The following TENM3 variants were observed in gnomAD, a reference collection of about 807,000 sequenced individuals.
The protein encoded by TENM3 is teneurin transmembrane protein 3.
In TENM3, 63 loss-of-function variants were observed where a neutral mutation model predicts 255.1. That is an observed-to-expected ratio of 0.25 (90% CI 0.20 to 0.30). The LOEUF (loss-of-function observed/expected upper bound fraction) is 0.30. Ranked by LOEUF, TENM3 falls within the 10% of genes least tolerant of loss-of-function variation. The probability of loss-of-function intolerance (pLI) is 1.00; values close to 1 mark genes in which losing one functional copy is unlikely to be tolerated. For synonymous variants in TENM3, 1,306 were observed against 1,322.3 expected (o/e 0.99, Z 0.27); for missense variants, 2,929 against 3,461.1 (o/e 0.85, Z 3.86).
At position 182,275,114 on chromosome 4, in the gene TENM3, C is replaced by T. The variant is rs114867828; in HGVS notation, c.-76+31638C>T. On this transcript the variant is annotated intron_variant, in intron 1 of 27. Transcript: ENST00000511685. ...TGCTGGGATTATAGGCTTGAGCCAC[C>T]GCACCCAGCAGTATTTTTTATTTAA... 2.0e-3 allele frequency among the ~76,000 whole-genome samples: 308 copies of T among 152,254 alleles called. 2 individuals are homozygous for T. Among genetic ancestry groups the T allele is most frequent in the African/African-American group, 7.2e-3 (298 of 41,546 alleles).
intron 3 of TENM3, among the ~76,000 whole-genome samples, chr4:182,369,834 C>T (rs1209021814): frequency 3.9e-5 from 6 of 152,064 alleles, no homozygotes; most frequent in East Asian, 1.9e-4. Flanking sequence ...GCCAAGATCA[C>T]GCCACTGCAC....
chr4:182,727,878 T>TC (rs957241489), intron 13 of TENM3, among the ~76,000 whole-genome samples: 27 of 151,636 alleles, frequency 1.8e-4, no homozygotes, highest in Non-Finnish European at 3.5e-4. Context: ...TTTTTTTTTT[T>TC]TTGAGACAGT....
At chr4:181,669,785 G>A in the TENM3 span, among the ~76,000 whole-genome samples, 5 of 152,128 alleles carry the variant, frequency 3.3e-5, no homozygotes, top group African/African-American at 7.2e-5. Flanking sequence ...GGGGTCCACC[G>A]ATGAAGCCCA....
the TENM3 span, among the ~76,000 whole-genome samples, chr4:181,872,333 A>G: frequency 1.7e-4 from 21 of 120,252 alleles, no homozygotes; most frequent in Middle Eastern, 3.9e-3. Flanking sequence ...TTAAACTTTT[A>G]TTTTAAGTTC....
At chr4:182,161,627 A>AT (rs1561152426) in intron 1 of TENM3, among the ~76,000 whole-genome samples, 7 of 100,130 alleles carry the variant, frequency 7.0e-5, no homozygotes, top group African/African-American at 2.3e-4. Context: ...ATATATATAC[A>AT]AATATATATA....
At chr4:181,713,299 T>C in the TENM3 span, among the ~76,000 whole-genome samples, 1 of 152,214 alleles carries the variant, frequency 6.6e-6, no homozygotes, top group Non-Finnish European at 1.5e-5. Context: ...ATGGGAGGCA[T>C]GGACTTAGTT....
At chr4:181,935,653 C>G in the TENM3 span, among the ~76,000 whole-genome samples, 1 of 152,174 alleles carries the variant, frequency 6.6e-6, no homozygotes. Context: ...TGGCTCATCT[C>G]TGCATGCCGG....
chr4:182,197,462 G>A lies in TENM3; in HGVS notation c.-76+52708G>A, dbSNP rs547801208. ...CTAGGAGTTCATTTCACCATCAGAG[G>A]ATATTATTCAGAGGATAAAAAAAGT... On this transcript the variant is annotated intron_variant, in intron 1 of 2. Coordinates refer to the TENM3 transcript ENST00000512480. Among the ~76,000 whole-genome samples the A allele has an allele frequency of 2.0e-5, 3 of 152,158 alleles. No homozygotes were observed. In the South Asian group the frequency reaches 6.2e-4, roughly 32 times the overall value.
At chr4:181,757,549 C>A in the TENM3 span, among the ~76,000 whole-genome samples, 5 of 152,294 alleles carry the variant, frequency 3.3e-5, no homozygotes, top group East Asian at 7.7e-4. Context: ...ATCAATTTTT[C>A]TCTCTAAGAA....
the TENM3 span, among the ~76,000 whole-genome samples, chr4:181,503,679 C>G: frequency 6.6e-6 from 1 of 152,258 alleles, no homozygotes; most frequent in African/African-American, 2.4e-5. Context: ...AGTTCTCTAC[C>G]TGCTTTTAAC....
chr4:182,578,565 G>T (rs1038296391), intron 3 of TENM3, among the ~76,000 whole-genome samples: 2 of 148,980 alleles, frequency 1.3e-5, no homozygotes, highest in African/African-American at 5.2e-5. Flanking sequence ...ACATTCTTAA[G>T]AAAATAGTCA....
At chr4:182,731,970 G>T (rs182793282) in intron 16 of TENM3, among the ~76,000 whole-genome samples, 132 of 151,582 alleles carry the variant, frequency 8.7e-4, no homozygotes, top group African/African-American at 3.1e-3. Flanking sequence ...TTTAGTAGAG[G>T]CAGGGTTTCA....
chr4:181,868,978 G>T, the TENM3 span, among the ~76,000 whole-genome samples: 1 of 151,252 alleles, frequency 6.6e-6, no homozygotes, highest in South Asian at 2.1e-4. Context: ...CTTAATATTA[G>T]GATTTCTACC....
chr4:182,623,265 CG>C (rs746740457), intron 4 of TENM3, among the ~76,000 whole-genome samples: 9 of 151,692 alleles, frequency 5.9e-5, no homozygotes, highest in Non-Finnish European at 8.8e-5. Flanking sequence ...CACCTGTCCC[CG>C]CCTCCCTAAG....
Position 182,432,294 on chromosome 4 carries a change from AT to A in TENM3, c.511+85369del, listed in dbSNP as rs776082722. 8.5e-5 allele frequency among the ~76,000 whole-genome samples: 13 copies of A among 152,150 alleles called. No homozygotes were observed. In the East Asian group the frequency reaches 2.3e-3, roughly 27 times the overall value. On this transcript the variant is annotated intron_variant, in intron 3 of 27. Transcript: ENST00000511685. The stretch of plus-strand genomic sequence containing the variant: ...ATTCACAATGTGTTTTATGTTCACT[AT>A]TTTGTTGGACATCAACCTAAATTTG...
At chr4:181,771,264 G>A in the TENM3 span, among the ~76,000 whole-genome samples, 39 of 152,320 alleles carry the variant, frequency 2.6e-4, no homozygotes, top group African/African-American at 8.4e-4. Flanking sequence ...GATTAGATAT[G>A]GAAGGTATGT....
intron 6 of TENM3, among the ~76,000 whole-genome samples, chr4:182,658,089 A>G (rs1476248913): frequency 6.6e-6 from 1 of 152,140 alleles, no homozygotes; most frequent in Non-Finnish European, 1.5e-5. Flanking sequence ...CCACACACTC[A>G]TACTTCACTG....
intron 2 of TENM3, among the ~76,000 whole-genome samples, chr4:182,324,488 C>T (rs1415061740): frequency 6.6e-6 from 1 of 152,256 alleles, no homozygotes; most frequent in Non-Finnish European, 1.5e-5. Flanking sequence ...GAAGCCTCAC[C>T]TGCTATACGT....
intron 1 of TENM3, among the ~76,000 whole-genome samples, chr4:182,270,433 A>C (rs900898203): frequency 6.6e-6 from 1 of 152,142 alleles, no homozygotes; most frequent in Non-Finnish European, 1.5e-5. Context: ...CTACACAAAG[A>C]ATCTTGTTTC....
Sources: allele counts gnomAD v4.1 joint callset (sites outside exome capture counted in the v4.1 genomes callset), GRCh38; gene constraint gnomAD v4.1.1; transcripts MANE v1.5; gene names NCBI Gene and HGNC (gene_info 2026-07-23, HGNC 2026-07-21).